The following ACOT11 variants were observed in gnomAD, a reference collection of about 807,000 sequenced individuals.
ACOT11 encodes acyl-CoA thioesterase 11, also known as acyl-coenzyme A thioesterase 11.
In ACOT11, 69 loss-of-function variants were observed where a neutral mutation model predicts 77.5. The ratio of observed to expected loss-of-function variants is 0.89; its 90% CI spans 0.73 to 1.09. The LOEUF (loss-of-function observed/expected upper bound fraction) is 1.09. Ranked by LOEUF, ACOT11 falls within the 50% of genes least tolerant of loss-of-function variation. The pLI is 0.00. For synonymous variants in ACOT11, 279 were observed against 313.0 expected, an observed-to-expected ratio of 0.89 and a Z score of 1.15; for missense variants, 766 against 813.7, an observed-to-expected ratio of 0.94 and a Z score of 0.71.
At chr1:54,594,784 G>A (rs1204560790) in intron 6 of ACOT11, 93 bp downstream of exon 6, 3 of 1,501,348 alleles carry the variant, frequency 2.0e-6, no homozygotes, top group East Asian at 4.6e-5. Flanking sequence ...CAGGAAGGGA[G>A]GCTCCGGGGA....
chr1:54,603,982 C>A, intron 11 of ACOT11, 45 bp downstream of exon 11: 2 of 1,569,176 alleles, frequency 1.3e-6, no homozygotes, highest in South Asian at 1.1e-5. Context: ...ACCCACCGGG[C>A]CCCCACCCTT....
At position 54,578,434 on chromosome 1, in the gene ACOT11, G is replaced by A. The variant is rs139553230; in HGVS notation, c.34-6221G>A. Among the ~76,000 whole-genome samples the A allele has an allele frequency of 4.3e-3, 662 of 152,220 alleles. 1 individual carries two copies. Among genetic ancestry groups the A allele is most frequent in the African/African-American group, 0.015 (621 of 41,514 alleles). On this transcript the variant is annotated intron_variant, in intron 1 of 15. Coordinates refer to ENST00000343744, the MANE Select transcript of ACOT11 (RefSeq NM_147161.4). Reference sequence around the variant, plus strand: ...TCACACTACTTGACTGACTGACCACGCCAGCACTATGGATAAACCTCAAGC... The same window carrying A: ...TCACACTACTTGACTGACTGACCACACCAGCACTATGGATAAACCTCAAGC...
chr1:54,619,985 G>A (rs938399279), intron 15 of ACOT11: 1 of 1,613,972 alleles, frequency 6.2e-7, no homozygotes, highest in Non-Finnish European at 8.5e-7. Context: ...CGGCATCAGG[G>A]CTGCAGGCCT....
intron 1 of ACOT11, among the ~76,000 whole-genome samples, chr1:54,575,187 A>G (rs777945440): frequency 3.9e-5 from 6 of 152,226 alleles, no homozygotes; most frequent in Non-Finnish European, 7.3e-5. Context: ...CACCTTAGGC[A>G]GGACTTGAGA....
In ACOT11 at chr1:54,609,148, C is replaced by A. The variant is rs750664223; in HGVS notation, c.*36C>A. 1.2e-6 allele frequency: 2 copies of A among 1,613,196 alleles called. No homozygotes were observed. Among genetic ancestry groups the A allele is most frequent in the Non-Finnish European group, 1.7e-6 (2 of 1,179,502 alleles). On this transcript the variant is annotated 3_prime_UTR_variant, in exon 16 of 16. Transcript: ENST00000343744. ...TGGCCACATCATGCCCACTCCCACTCCATCCTGTCCCCAAGGACTCACATA... is the reference window on the plus strand; with the variant it reads ...TGGCCACATCATGCCCACTCCCACTACATCCTGTCCCCAAGGACTCACATA...
intron 15 of ACOT11, among the ~76,000 whole-genome samples, chr1:54,626,179 A>G (rs187847484): frequency 2.4e-4 from 36 of 152,172 alleles, no homozygotes. Flanking sequence ...CTGATGCAGG[A>G]GAATCGCTTG....
intron 1 of ACOT11, among the ~76,000 whole-genome samples, chr1:54,564,732 ACT>A (rs1653675238): frequency 6.6e-6 from 1 of 151,376 alleles, no homozygotes; most frequent in Non-Finnish European, 1.5e-5. Context: ...AAGTCGGAAG[ACT>A]CTGGCTGGTT....
chr1:54,596,166 T>A (rs1275771229), intron 6 of ACOT11, among the ~76,000 whole-genome samples: 3 of 152,222 alleles, frequency 2.0e-5, no homozygotes, highest in Admixed American at 6.5e-5. Flanking sequence ...TCTCTTGACC[T>A]GCTGCAGCTC....
rs756440520 is a variant in ACOT11 at position 54,607,979 on chromosome 1, C to T, written c.1540C>T (p.Pro514Ser). ...CATCGCGCTGAGGTCGGTCACGCTG[C>T]CCACACACCGAGAGACGCCAGAGTA... The part of the protein sequence containing the change: ...YVIALRSVTL[P>S]THRETPEYRR... The change falls in exon 15 of 16, where the codon CCC becomes TCC. Residue 514 changes from proline to serine, a missense_variant. Transcript: ENST00000343744. The surrounding 1 kb of genome is among the most constrained non-coding windows in gnomAD (Gnocchi z 4.5). The T allele has an allele frequency of 6.2e-7, 1 of 1,613,836 alleles. No individual in the cohort carries two copies. Among genetic ancestry groups the T allele is most frequent in the Non-Finnish European group, 8.5e-7 (1 of 1,179,956 alleles).
chr1:54,626,294 A>C (rs1389861382), intron 15 of ACOT11, among the ~76,000 whole-genome samples: 2 of 151,818 alleles, frequency 1.3e-5, no homozygotes, highest in Non-Finnish European at 2.9e-5. Context: ...AAAAAAGAGA[A>C]AAGACAAGAA....
intron 16 of ACOT11, among the ~76,000 whole-genome samples, chr1:54,633,259 T>C (rs2101035137): frequency 6.6e-6 from 1 of 152,300 alleles, no homozygotes; most frequent in South Asian, 2.1e-4. Flanking sequence ...TTTAGAGAAA[T>C]TAGTTGCTGA....
intron 1 of ACOT11, among the ~76,000 whole-genome samples, chr1:54,554,290 AGTGTGT>A (rs67577349): frequency 0.072 from 7,765 of 108,028 alleles, 456 homozygotes; most frequent in Middle Eastern, 0.17. Context: ...AGTATTCCAT[AGTGTGT>A]GTGTGTGTGT....
chr1:54,609,168 CACAT>C lies in ACOT11; in HGVS notation c.*60_*63del, dbSNP rs1569774604. The stretch of plus-strand genomic sequence containing the variant: ...CCACTCCATCCTGTCCCCAAGGACT[CACAT>C]ACAGTGCCTGGAGAAAGCCAAAGAC... On this transcript the variant is annotated 3_prime_UTR_variant, in exon 16 of 16. Coordinates refer to ENST00000343744, the MANE Select transcript of ACOT11 (RefSeq NM_147161.4). 3.7e-6 allele frequency: 6 copies of C among 1,610,376 alleles called. No individual in the cohort carries two copies. In the East Asian group the frequency reaches 1.3e-4, roughly 36 times the overall value.
intron 4 of ACOT11, among the ~76,000 whole-genome samples, 178 bp from the exon 5 acceptor site, chr1:54,593,763 A>T (rs1359186410): frequency 6.6e-6 from 1 of 152,072 alleles, no homozygotes; most frequent in African/African-American, 2.4e-5. Context: ...TTTCCCGGGG[A>T]CCCAAGGGCA....
chr1:54,625,950 AAAAGAAAG>A (rs1371964461), intron 15 of ACOT11, among the ~76,000 whole-genome samples: 1 of 148,330 alleles, frequency 6.7e-6, no homozygotes, highest in African/African-American at 2.5e-5. Context: ...AAAAAAAAAA[AAAAGAAAG>A]AAAGAAAAAA....
At chr1:54,562,410 A>C (rs1351642941) in intron 1 of ACOT11, among the ~76,000 whole-genome samples, 10 of 53,692 alleles carry the variant, frequency 1.9e-4, no homozygotes, top group Non-Finnish European at 1.7e-4. Flanking sequence ...GGCGCCCCTC[A>C]CCTCCCGGAC....
In ACOT11 at chr1:54,607,983, C is replaced by A. The variant is rs780219564; in HGVS notation, c.1544C>A (p.Thr515Lys). Residue 515 changes from threonine to lysine, a missense_variant, in exon 15 of 16, where the codon ACA becomes AAA. Transcript: ENST00000343744. The surrounding 1 kb of genome is among the most constrained non-coding windows in gnomAD (Gnocchi z 4.5). Reference protein sequence around the residue: ...VIALRSVTLPTHRETPEYRRG... With the variant: ...VIALRSVTLPKHRETPEYRRG... ...GCGCTGAGGTCGGTCACGCTGCCCA[C>A]ACACCGAGAGACGCCAGAGTACAGA... 6.2e-7 allele frequency: 1 copy of A among 1,613,922 alleles called. No homozygotes were observed.
At chr1:54,560,947 T>C (rs1032841527) in intron 1 of ACOT11, among the ~76,000 whole-genome samples, 2 of 152,262 alleles carry the variant, frequency 1.3e-5, no homozygotes, top group East Asian at 3.9e-4. Flanking sequence ...GGTCTCGAAC[T>C]CCTGACCTTA....
At chr1:54,564,655 C>G (rs1253619704) in intron 1 of ACOT11, among the ~76,000 whole-genome samples, 2 of 152,196 alleles carry the variant, frequency 1.3e-5, no homozygotes, top group Admixed American at 6.5e-5. Context: ...TGGAGAGACC[C>G]AATTCCTCTT....
Sources: gnomAD v4.1 joint callset for allele counts (sites outside exome capture counted in the v4.1 genomes callset) on GRCh38, gnomAD v4.1.1 for gene constraint, Gnocchi (gnomAD v3.1) non-coding constraint, MANE v1.5 for transcripts, NCBI Gene and HGNC (gene_info 2026-07-23, HGNC 2026-07-21) for gene names.